The following ITGBL1 variants were observed in gnomAD, a reference collection of about 807,000 sequenced individuals.
The protein encoded by ITGBL1 is integrin beta-like protein 1.
Under a neutral mutation model 68.5 loss-of-function variants are expected in ITGBL1, and 51 were observed. The ratio of observed to expected loss-of-function variants is 0.74; its 90% CI spans 0.59 to 0.94. ITGBL1 has a LOEUF of 0.94. Ranked by LOEUF, ITGBL1 falls within the 40% of genes least tolerant of loss-of-function variation. The probability of loss-of-function intolerance (pLI) is 0.00; values close to 1 mark genes in which losing one functional copy is unlikely to be tolerated. For synonymous variants in ITGBL1, 209 were observed against 227.3 expected, an observed-to-expected ratio of 0.92 and a Z score of 0.72; for missense variants, 649 against 647.4, an observed-to-expected ratio of 1.00 and a Z score of -0.03.
At chr13:101,632,143 CTCTCTCTA>C (rs1302395196) in intron 7 of ITGBL1, among the ~76,000 whole-genome samples, 2 of 148,556 alleles carry the variant, frequency 1.3e-5, no homozygotes, top group African/African-American at 5.2e-5. Context: ...CTCTCTCTCT[CTCTCTCTA>C]TATATATATA....
At position 101,526,155 on chromosome 13, in the gene ITGBL1, C is replaced by CTTCTTTT. The variant is rs368448615; in HGVS notation, c.317-41542_317-41541insCTTTTTT. On this transcript the variant is annotated intron_variant, in intron 2 of 10. Coordinates refer to ENST00000376180, the MANE Select transcript of ITGBL1 (RefSeq NM_004791.3). ...CTAGTTTCTTCTTCTTCTTCTTCTT[C>CTTCTTTT]TTTTTTTTTTTTTTAAATACTTTAA... is the stretch of plus-strand genomic sequence containing the variant. Among the ~76,000 whole-genome samples the CTTCTTTT allele has an allele frequency of 7.3e-5, 10 of 136,562 alleles. 1 individual carries two copies. Among genetic ancestry groups the CTTCTTTT allele is most frequent in the African/African-American group, 1.3e-4 (5 of 37,154 alleles). 89.6% of individuals were successfully genotyped at this position (136,562 alleles called of 152,430 possible).
intron 2 of ITGBL1, among the ~76,000 whole-genome samples, chr13:101,476,141 C>T (rs1402482386): frequency 1.3e-5 from 2 of 151,554 alleles, no homozygotes; most frequent in African/African-American, 2.4e-5. Context: ...ACTCCAATAA[C>T]TTCTTAAGAC....
At chr13:101,531,779 C>A (rs2049485577) in intron 2 of ITGBL1, among the ~76,000 whole-genome samples, 1 of 151,392 alleles carries the variant, frequency 6.6e-6, no homozygotes, top group South Asian at 2.1e-4. Context: ...GTGGCTCAGG[C>A]TGGGGTGCAG....
chr13:101,687,340 TGTACTC>T (rs1238107970), intron 7 of ITGBL1, among the ~76,000 whole-genome samples: 2 of 151,704 alleles, frequency 1.3e-5, no homozygotes, highest in Admixed American at 1.3e-4. Flanking sequence ...GAGAAAAAAA[TGTACTC>T]TAAGGTGAAA....
At chr13:101,588,731 C>G (rs2050601542) in intron 6 of ITGBL1, among the ~76,000 whole-genome samples, 1 of 150,476 alleles carries the variant, frequency 6.6e-6, no homozygotes, top group African/African-American at 2.4e-5. Context: ...TTATGGCAGT[C>G]TAAAGGGTTT....
chr13:101,453,350 T>C (rs2048190393), intron 1 of ITGBL1, among the ~76,000 whole-genome samples: 1 of 152,156 alleles, frequency 6.6e-6, no homozygotes, highest in South Asian at 2.1e-4. Flanking sequence ...AAACTAAACT[T>C]TTTAAAAGTA....
Position 101,624,286 on chromosome 13 carries a change from A to T in ITGBL1, c.1015+25987A>T, listed in dbSNP as rs572600811. 3.9e-5 allele frequency among the ~76,000 whole-genome samples: 6 copies of T among 152,304 alleles called. No individual in the cohort carries two copies. In the East Asian group the frequency reaches 1.2e-3, roughly 29 times the overall value. ...AAATGTGAAAACTATTGCTTTAGCG[A>T]AAGCAAACACCGTTACTTCCTGAAT... On this transcript the variant is annotated intron_variant, in intron 7 of 10. Transcript: ENST00000376180.
chr13:101,490,052 A>C (rs369315114), intron 2 of ITGBL1: 11 of 1,087,920 alleles, frequency 1.0e-5, no homozygotes, highest in Non-Finnish European at 1.3e-5. Flanking sequence ...TGGACTGAAT[A>C]TTTGTTTACC....
rs1395419875 is a variant in ITGBL1, at chr13:101,500,556, T to G, written c.316+46456T>G. On this transcript the variant is annotated intron_variant, in intron 2 of 10. Transcript: ENST00000376180. The stretch of plus-strand genomic sequence containing the variant: ...CATGAATTTAAAAATCATTTACTAA[T>G]GAATCCTCCTGAATTTCTCAGAAAA... Among the ~76,000 whole-genome samples, 7 of 152,328 alleles carry G rather than the reference T, an allele frequency of 4.6e-5. No homozygotes were observed. The East Asian group carries it at 1.3e-3, about 29-fold the overall frequency.
At chr13:101,594,683 C>T (rs2050713253) in intron 6 of ITGBL1, among the ~76,000 whole-genome samples, 1 of 152,072 alleles carries the variant, frequency 6.6e-6, no homozygotes, top group African/African-American at 2.4e-5. Context: ...AACCATATAT[C>T]CAATAAGGGG....
intron 7 of ITGBL1, among the ~76,000 whole-genome samples, chr13:101,676,553 C>A (rs1380014670): frequency 6.6e-6 from 1 of 151,990 alleles, no homozygotes; most frequent in East Asian, 1.9e-4. Context: ...AACCTCTTGC[C>A]CCAAATAGTT....
At chr13:101,613,479 A>T (rs2031225058) in intron 7 of ITGBL1, among the ~76,000 whole-genome samples, 1 of 152,192 alleles carries the variant, frequency 6.6e-6, no homozygotes, top group South Asian at 2.1e-4. Flanking sequence ...AATCAAGAGA[A>T]TATAAGAGAG....
Position 101,598,147 on chromosome 13 carries a change from G to C in ITGBL1, c.869-6G>C. 2 of 1,591,674 alleles carry C rather than the reference G, an allele frequency of 1.3e-6. No individual in the cohort carries two copies. The highest frequency in any genetic ancestry group is 1.7e-6 in the Non-Finnish European group (2 of 1,173,040). The stretch of plus-strand genomic sequence containing the variant: ...ATTTTTATTTTTTGCCACTCTCACT[G>C]TGAAGGTCATGGACAGTGTAATTGC... On this transcript the variant is annotated splice_polypyrimidine_tract_variant and splice_region_variant and intron_variant, in intron 6 of 10. Coordinates refer to ENST00000376180, the MANE Select transcript of ITGBL1 (RefSeq NM_004791.3).
At chr13:101,563,995 T>C (rs1365719505) in intron 2 of ITGBL1, among the ~76,000 whole-genome samples, 2 of 151,902 alleles carry the variant, frequency 1.3e-5, no homozygotes, top group Non-Finnish European at 1.5e-5. Flanking sequence ...GCAAGGCTGG[T>C]ACAACATTAA....
chr13:101,704,834 T>G (rs1176142589), intron 8 of ITGBL1, among the ~76,000 whole-genome samples: 1 of 152,232 alleles, frequency 6.6e-6, no homozygotes, highest in African/African-American at 2.4e-5. Context: ...TTTCAGTTTT[T>G]GGGTTTTTTG....
At chr13:101,522,987 C>A (rs1005560964) in intron 2 of ITGBL1, among the ~76,000 whole-genome samples, 1 of 152,148 alleles carries the variant, frequency 6.6e-6, no homozygotes, top group African/African-American at 2.4e-5. Context: ...ATTCCTCTCT[C>A]GTCCAAAGAT....
intron 2 of ITGBL1, among the ~76,000 whole-genome samples, chr13:101,562,509 A>G (rs1343148803): frequency 1.3e-5 from 2 of 152,046 alleles, no homozygotes; most frequent in Non-Finnish European, 2.9e-5. Flanking sequence ...ACACCCGTCA[A>G]ATGAATACTG....
chr13:101,641,685 T>C (rs1336763796), intron 7 of ITGBL1, among the ~76,000 whole-genome samples: 1 of 150,522 alleles, frequency 6.6e-6, no homozygotes, highest in Non-Finnish European at 1.5e-5. Context: ...TAACATTCGG[T>C]ATATCTCCTA....
At chr13:101,645,606 T>C (rs532310570) in intron 7 of ITGBL1, among the ~76,000 whole-genome samples, 17 of 152,184 alleles carry the variant, frequency 1.1e-4, no homozygotes, top group Non-Finnish European at 2.2e-4. Flanking sequence ...ATCAATACCT[T>C]GAGGCATAGT....
Sources: allele counts gnomAD v4.1 joint callset (sites outside exome capture counted in the v4.1 genomes callset), GRCh38; gene constraint gnomAD v4.1.1; transcripts MANE v1.5; gene names NCBI Gene and HGNC (gene_info 2026-07-23, HGNC 2026-07-21).